SH3GL2: variants seen among roughly 807,000 people sequenced by gnomAD.
The protein encoded by SH3GL2 is SH3 domain containing GRB2 like 2, endophilin A1.
SH3GL2 carries 24 observed loss-of-function variants against 46.0 expected under a neutral mutation model. The observed-to-expected ratio is 0.52, with a 90% confidence interval of 0.38 to 0.73. The LOEUF is 0.73. Among genes scored for constraint, SH3GL2 ranks in the 30% least tolerant of loss-of-function variants. SH3GL2 has a pLI of 0.00. For synonymous variants in SH3GL2, 196 were observed against 147.1 expected (o/e 1.33, Z -2.40); for missense variants, 413 against 424.2 (o/e 0.97, Z 0.23).
At chr9:17,661,944 GCTGT>G (rs1203462823) in intron 1 of SH3GL2, among the ~76,000 whole-genome samples, 1 of 152,102 alleles carries the variant, frequency 6.6e-6, no homozygotes, top group African/African-American at 2.4e-5. Flanking sequence ...TGATTTTACT[GCTGT>G]CTTTTGGTTA....
At chr9:17,775,926 C>T (rs1016205655) in intron 3 of SH3GL2, among the ~76,000 whole-genome samples, 1 of 152,088 alleles carries the variant, frequency 6.6e-6, no homozygotes, top group African/African-American at 2.4e-5. Context: ...GATGCCCTGT[C>T]ATTATGTTTT....
chr9:17,600,227 A>G (rs533717242), intron 1 of SH3GL2, among the ~76,000 whole-genome samples: 1 of 152,346 alleles, frequency 6.6e-6, no homozygotes, highest in Admixed American at 6.5e-5. Flanking sequence ...GAACTGGATT[A>G]ATGTTTGATA....
Position 17,786,724 on chromosome 9 carries a change from A to AC in SH3GL2, c.331+208dup, listed in dbSNP as rs3215791. On this transcript the variant is annotated intron_variant, in intron 4 of 8. Coordinates refer to ENST00000380607, the MANE Select transcript of SH3GL2 (RefSeq NM_003026.5). Reference sequence around the variant, plus strand: ...GATTTATCTTACAAGTTTTCTTCCCACCCCCCCCACTATAAGACCTCAGTC... The same window carrying AC: ...GATTTATCTTACAAGTTTTCTTCCCACCCCCCCCCACTATAAGACCTCAGTC... Among the ~76,000 whole-genome samples, 179 of 150,368 alleles carry AC rather than the reference A, an allele frequency of 1.2e-3. 2 individuals carry two copies. Among genetic ancestry groups the AC allele is most frequent in the East Asian group, 6.3e-3 (32 of 5,098 alleles).
intron 1 of SH3GL2, among the ~76,000 whole-genome samples, chr9:17,658,203 T>C (rs1418061623): frequency 6.6e-6 from 1 of 152,222 alleles, no homozygotes; most frequent in East Asian, 1.9e-4. Context: ...CATTAATAAA[T>C]GTTAATTAAA....
intron 1 of SH3GL2, among the ~76,000 whole-genome samples, chr9:17,706,443 C>A (rs915731367): frequency 6.6e-6 from 1 of 152,092 alleles, no homozygotes. Context: ...TTGTACCAGG[C>A]TTTTGATTCT....
chr9:17,675,441 G>A (rs1048425078), intron 1 of SH3GL2, among the ~76,000 whole-genome samples: 1 of 152,174 alleles, frequency 6.6e-6, no homozygotes, highest in Admixed American at 6.5e-5. Flanking sequence ...ATTCCTTTAT[G>A]TATTAATATT....
At chr9:17,738,975 T>C (rs747615487) in intron 1 of SH3GL2, among the ~76,000 whole-genome samples, 2 of 152,266 alleles carry the variant, frequency 1.3e-5, no homozygotes, top group African/African-American at 4.8e-5. Context: ...AAGTGGATAC[T>C]GTAGACTTGC....
At chr9:17,663,850 A>G (rs1293761216) in intron 1 of SH3GL2, among the ~76,000 whole-genome samples, 1 of 152,214 alleles carries the variant, frequency 6.6e-6, no homozygotes, top group African/African-American at 2.4e-5. Flanking sequence ...ATTGAAAAAT[A>G]TCTATTGGAA....
intron 1 of SH3GL2, among the ~76,000 whole-genome samples, chr9:17,678,780 C>T (rs1012563573): frequency 1.7e-4 from 26 of 152,104 alleles, no homozygotes; most frequent in African/African-American, 6.0e-4. Flanking sequence ...ACATTTAAGT[C>T]TTTAATCCAT....
chr9:17,766,829 T>C (rs1823332874), intron 3 of SH3GL2, among the ~76,000 whole-genome samples: 1 of 152,236 alleles, frequency 6.6e-6, no homozygotes, highest in South Asian at 2.1e-4. Flanking sequence ...TTCTGTTCGA[T>C]ATATGTTTCA....
chr9:17,609,773 G>A (rs1028643177), intron 1 of SH3GL2, among the ~76,000 whole-genome samples: 2 of 152,150 alleles, frequency 1.3e-5, no homozygotes, highest in African/African-American at 2.4e-5. Context: ...CTGAGCAAAG[G>A]CTCCCCCTTG....
chr9:17,732,294 G>T (rs912661209), intron 1 of SH3GL2, among the ~76,000 whole-genome samples: 2 of 152,110 alleles, frequency 1.3e-5, no homozygotes, highest in Non-Finnish European at 2.9e-5. Flanking sequence ...GGCATATCTG[G>T]TGGGAAAGAG....
At chr9:17,597,467 A>G (rs982694155) in intron 1 of SH3GL2, among the ~76,000 whole-genome samples, 1 of 152,132 alleles carries the variant, frequency 6.6e-6, no homozygotes, top group Admixed American at 6.5e-5. Context: ...CAGTGAGCCA[A>G]GATCATGCCA....
At chr9:17,678,181 C>T (rs949384433) in intron 1 of SH3GL2, among the ~76,000 whole-genome samples, 1 of 151,926 alleles carries the variant, frequency 6.6e-6, no homozygotes, top group Non-Finnish European at 1.5e-5. Context: ...AATGGTATTT[C>T]TAGTTCTAGA....
At chr9:17,615,744 C>A (rs914795227) in intron 1 of SH3GL2, among the ~76,000 whole-genome samples, 13 of 147,304 alleles carry the variant, frequency 8.8e-5, no homozygotes, top group Non-Finnish European at 1.5e-4. Flanking sequence ...AAAAAAAAAA[C>A]CCACACTACT....
intron 2 of SH3GL2, among the ~76,000 whole-genome samples, chr9:17,756,146 TTATC>T (rs1229837065): frequency 1.3e-5 from 2 of 152,160 alleles, no homozygotes; most frequent in Non-Finnish European, 2.9e-5. Flanking sequence ...CAACAAAACT[TTATC>T]TAAGGATGCT....
At chr9:17,692,369 G>A (rs1288283525) in intron 1 of SH3GL2, among the ~76,000 whole-genome samples, 1 of 151,998 alleles carries the variant, frequency 6.6e-6, no homozygotes. Flanking sequence ...GAGAAGCCAG[G>A]TGTGGTGACT....
chr9:17,683,201 T>A (rs1373889146), intron 1 of SH3GL2, among the ~76,000 whole-genome samples: 1 of 152,100 alleles, frequency 6.6e-6, no homozygotes, highest in Non-Finnish European at 1.5e-5. Context: ...TATCTCAGCA[T>A]GGGACCTGCA....
chr9:17,605,477 G>A (rs376161097), intron 1 of SH3GL2, among the ~76,000 whole-genome samples: 33 of 152,196 alleles, frequency 2.2e-4, no homozygotes, highest in African/African-American at 7.9e-4. Context: ...GTATATGATA[G>A]GGGTAAGAGG....
Sources: allele counts gnomAD v4.1 joint callset (sites outside exome capture counted in the v4.1 genomes callset), GRCh38; gene constraint gnomAD v4.1.1; transcripts MANE v1.5; gene names NCBI Gene and HGNC (gene_info 2026-07-23, HGNC 2026-07-21).